The following MSRA variants were observed in gnomAD, a reference collection of about 807,000 sequenced individuals.
MSRA encodes the protein mitochondrial peptide methionine sulfoxide reductase.
Under a neutral mutation model 31.3 loss-of-function variants are expected in MSRA, and 54 were observed. The observed-to-expected ratio is 1.73, with a 90% confidence interval of 1.39 to 2.17. MSRA has a LOEUF of 2.17. MSRA is among the 30% of genes most tolerant of loss of function. The pLI is 0.00. For synonymous variants in MSRA, 169 were observed against 116.5 expected (o/e 1.45, Z -2.90); for missense variants, 507 against 300.9 (o/e 1.69, Z -5.07).
rs538797831 is a variant in MSRA at position 10,112,084 on chromosome 8, C to G, written c.142+57426C>G. Among the ~76,000 whole-genome samples, 5 of 142,800 alleles carry G rather than the reference C, an allele frequency of 3.5e-5. No homozygotes were observed. In the South Asian group the frequency reaches 1.2e-3, roughly 33 times the overall value. The allele number at this position is 142,800 out of a possible 152,430, so 93.7% of individuals were successfully genotyped here. A position where few individuals can be genotyped will look rare whatever the true frequency, so the allele number is the denominator to read the frequency against. On this transcript the variant is annotated intron_variant, in intron 1 of 5. Transcript: ENST00000317173. ...CCATTTGTTAATCCTAATAGATAGTCTTTGTTCTCTAATTTTGTAGTCACC... is the reference window on the plus strand; with the variant it reads ...CCATTTGTTAATCCTAATAGATAGTGTTTGTTCTCTAATTTTGTAGTCACC...
At chr8:10,397,827 A>C (rs1204146262) in intron 5 of MSRA, among the ~76,000 whole-genome samples, 2 of 152,246 alleles carry the variant, frequency 1.3e-5, no homozygotes, top group Admixed American at 1.3e-4. Flanking sequence ...CATAGTCTTT[A>C]GAACTTTTTA....
At chr8:10,371,269 GCA>G (rs1457206473) in intron 5 of MSRA, among the ~76,000 whole-genome samples, 1 of 152,148 alleles carries the variant, frequency 6.6e-6, no homozygotes. Flanking sequence ...TAGAGATGGT[GCA>G]GTTTTAAGAC....
intron 5 of MSRA, among the ~76,000 whole-genome samples, chr8:10,361,998 T>C (rs1008455423): frequency 2.0e-5 from 3 of 152,098 alleles, no homozygotes; most frequent in East Asian, 1.9e-4. Flanking sequence ...CTCTTGTCGT[T>C]GTTTCATTTT....
In MSRA at chr8:10,084,572, A is replaced by G. The variant is rs1052358952; in HGVS notation, c.142+29914A>G. On this transcript the variant is annotated intron_variant, in intron 1 of 5. Coordinates refer to ENST00000317173, the MANE Select transcript of MSRA (RefSeq NM_012331.5). ...TCCCAACCCTGAAATTTATTACTCT[A>G]TGATCTTGGGCAAGTTACATGACCT... Among the ~76,000 whole-genome samples the G allele has an allele frequency of 3.3e-4, 51 of 152,318 alleles. 1 individual carries two copies. The highest frequency in any genetic ancestry group is 1.1e-3 in the African/African-American group (44 of 41,570).
chr8:10,283,265 G>A (rs1272814844), intron 3 of MSRA, among the ~76,000 whole-genome samples: 3 of 151,712 alleles, frequency 2.0e-5, no homozygotes, highest in African/African-American at 7.3e-5. Context: ...AGTATCACAC[G>A]GTGGATCCTG....
intron 3 of MSRA, among the ~76,000 whole-genome samples, chr8:10,264,092 G>A (rs1798619247): frequency 6.6e-6 from 1 of 152,270 alleles, no homozygotes; most frequent in East Asian, 1.9e-4. Flanking sequence ...AGGAAGCAGA[G>A]CCTTCCAAGT....
chr8:10,060,983 T>C (rs1425889794), intron 1 of MSRA, among the ~76,000 whole-genome samples: 2 of 152,234 alleles, frequency 1.3e-5, no homozygotes, highest in Non-Finnish European at 2.9e-5. Flanking sequence ...TTTTCCCCAA[T>C]GTGTGATTAA....
intron 1 of MSRA, among the ~76,000 whole-genome samples, chr8:10,146,931 A>G (rs2129034098): frequency 6.6e-6 from 1 of 152,334 alleles, no homozygotes; most frequent in Non-Finnish European, 1.5e-5. Flanking sequence ...GTCTTGGCAC[A>G]TTCACACTAT....
intron 1 of MSRA, among the ~76,000 whole-genome samples, chr8:10,206,601 C>T (rs1417136127): frequency 6.6e-6 from 1 of 152,212 alleles, no homozygotes; most frequent in African/African-American, 2.4e-5. Context: ...TGCACCAAGA[C>T]AGATTGTTCT....
intron 3 of MSRA, among the ~76,000 whole-genome samples, chr8:10,281,514 C>T (rs1459004128): frequency 2.6e-5 from 4 of 152,186 alleles, no homozygotes; most frequent in Non-Finnish European, 5.9e-5. Flanking sequence ...CCGACCTAGA[C>T]AGTATGATTT....
At chr8:10,198,725 A>G (rs569930395) in intron 1 of MSRA, among the ~76,000 whole-genome samples, 1 of 152,222 alleles carries the variant, frequency 6.6e-6, no homozygotes, top group South Asian at 2.1e-4. Flanking sequence ...CTGGGCTCAA[A>G]TGTTTCTCCT....
chr8:10,070,352 C>T (rs1368741964), intron 1 of MSRA, among the ~76,000 whole-genome samples: 1 of 152,220 alleles, frequency 6.6e-6, no homozygotes, highest in East Asian at 1.9e-4. Flanking sequence ...AGTTTTAGCA[C>T]CTTTCTGTAA....
chr8:10,198,089 T>A (rs1377458029), intron 1 of MSRA, among the ~76,000 whole-genome samples: 1 of 152,240 alleles, frequency 6.6e-6, no homozygotes, highest in African/African-American at 2.4e-5. Context: ...AGGGGCTAAC[T>A]TTCCTTTTTT....
intron 5 of MSRA, among the ~76,000 whole-genome samples, chr8:10,427,365 G>A (rs910817733): frequency 2.6e-5 from 4 of 152,186 alleles, no homozygotes; most frequent in Admixed American, 2.0e-4. Context: ...GCCCCAAATA[G>A]CCCCTCTCTC....
chr8:10,274,728 TCCATCTGTACAC>T (rs1799229296), intron 3 of MSRA, among the ~76,000 whole-genome samples: 2 of 152,104 alleles, frequency 1.3e-5, no homozygotes, highest in South Asian at 4.2e-4. Flanking sequence ...TATCCACTCA[TCCATCTGTACAC>T]CCACCCACTC....
Position 10,095,830 on chromosome 8 carries a change from C to T in MSRA, c.142+41172C>T, listed in dbSNP as rs1371910305. Reference sequence around the variant, plus strand: ...AGGGAAATAAAAGCCTTTTTCAAAACGAAGCTTCCATAGTGTCCATGCATT... The same window carrying T: ...AGGGAAATAAAAGCCTTTTTCAAAATGAAGCTTCCATAGTGTCCATGCATT... On this transcript the variant is annotated intron_variant, in intron 1 of 5. Coordinates refer to ENST00000317173, the MANE Select transcript of MSRA (RefSeq NM_012331.5). 170 of 1,245,762 alleles carry T rather than the reference C, an allele frequency of 1.4e-4. 1 individual carries two copies. In the East Asian group the frequency reaches 4.9e-3, roughly 36 times the overall value. 77.2% of individuals were successfully genotyped at this position (1,245,762 alleles called of 1,614,324 possible).
In MSRA at chr8:10,221,475, C is replaced by G. The variant is rs78179406; in HGVS notation, c.211+13574C>G. On this transcript the variant is annotated intron_variant, in intron 2 of 5. Coordinates refer to ENST00000317173, the MANE Select transcript of MSRA (RefSeq NM_012331.5). ...ATATATTTGTTCTTTACACTTAACT[C>G]TGAGATGAGAAAACTAAGGCTCAGA... Among the ~76,000 whole-genome samples, 246 of 151,692 alleles carry G rather than the reference C, an allele frequency of 1.6e-3. 7 individuals are homozygous for G. In the East Asian group the frequency reaches 0.03, roughly 18 times the overall value.
At chr8:10,322,896 C>G (rs1211697891) in intron 5 of MSRA, among the ~76,000 whole-genome samples, 1 of 152,042 alleles carries the variant, frequency 6.6e-6, no homozygotes, top group Non-Finnish European at 1.5e-5. Flanking sequence ...TCGAGACCAG[C>G]CTGACTAACA....
At chr8:10,289,138 C>G (rs553311866) in intron 3 of MSRA, among the ~76,000 whole-genome samples, 65 of 152,212 alleles carry the variant, frequency 4.3e-4, no homozygotes, top group Middle Eastern at 3.4e-3. Context: ...GCCTCAGTCT[C>G]TGGAGTAGCT....
Sources: allele counts gnomAD v4.1 joint callset (sites outside exome capture counted in the v4.1 genomes callset), GRCh38; gene constraint gnomAD v4.1.1; transcripts MANE v1.5; gene names NCBI Gene and HGNC (gene_info 2026-07-23, HGNC 2026-07-21).